CCDC88C: variants seen among roughly 807,000 people sequenced by gnomAD.
CCDC88C encodes the protein protein Daple.
In CCDC88C, 131 loss-of-function variants were observed where a neutral mutation model predicts 198.8. The observed-to-expected ratio is 0.66, with a 90% CI of 0.57 to 0.76. The LOEUF is 0.76. CCDC88C is among the 30% of genes least tolerant of loss of function. The pLI is 0.00. For synonymous variants in CCDC88C, 1,166 were observed against 1,114.7 expected, an observed-to-expected ratio of 1.05 and a Z score of -0.92; for missense variants, 2,553 against 2,631.6, an observed-to-expected ratio of 0.97 and a Z score of 0.65.
At chr14:91,303,292 TCTCCTGAGACCCC>T (rs992927511) in intron 20 of CCDC88C, among the ~76,000 whole-genome samples, 1 of 123,888 alleles carries the variant, frequency 8.1e-6, no homozygotes, top group Non-Finnish European at 1.7e-5. Context: ...CCTGAGACCC[TCTCCTGAGACCCC>T]ACCTCTGCTC....
At position 91,283,457 on chromosome 14, in the gene CCDC88C, T is replaced by A; in HGVS notation, c.4502A>T (p.Asp1501Val). 2 of 1,613,144 alleles carry A rather than the reference T, an allele frequency of 1.2e-6. No homozygotes were observed. Residue 1501 changes from aspartate (D) to valine (V), a missense_variant, in exon 26 of 30, where the codon GAT becomes GTT. Asp to Val is a radical substitution (Grantham distance 152, BLOSUM62 -3). This residue lies in a region of CCDC88C where 1,293 missense variants were observed against 1,219.6 expected (regional missense o/e 1.06). Transcript: ENST00000389857. ...CCTCATGGCCAGATCGGTGGAGGCATCTGTGCGGTCAAGGCTGCCTCTGTG... is the reference window on the plus strand; with the variant it reads ...CCTCATGGCCAGATCGGTGGAGGCAACTGTGCGGTCAAGGCTGCCTCTGTG... Reference protein sequence around the residue: ...SPHRGSLDRTDASTDLAMRSW... With the variant: ...SPHRGSLDRTVASTDLAMRSW...
intron 29 of CCDC88C, among the ~76,000 whole-genome samples, chr14:91,276,096 A>G (rs1230014338): frequency 3.3e-5 from 5 of 152,074 alleles, no homozygotes; most frequent in African/African-American, 1.2e-4. Context: ...CTGGGATTAC[A>G]GGCGTGAGCC....
At chr14:91,357,653 C>G (rs1478932039) in intron 4 of CCDC88C, among the ~76,000 whole-genome samples, 1 of 152,222 alleles carries the variant, frequency 6.6e-6, no homozygotes, top group African/African-American at 2.4e-5. Flanking sequence ...CCTCTACAGG[C>G]ATCACTCTCA....
At chr14:91,378,200 C>T (rs553819795) in intron 3 of CCDC88C, among the ~76,000 whole-genome samples, 3 of 152,280 alleles carry the variant, frequency 2.0e-5, no homozygotes, top group South Asian at 4.1e-4. Flanking sequence ...AGTGCAAAGC[C>T]GCAAGCTGGC....
At chr14:91,396,829 T>C (rs1264422058) in intron 3 of CCDC88C, among the ~76,000 whole-genome samples, 1 of 152,014 alleles carries the variant, frequency 6.6e-6, no homozygotes, top group Non-Finnish European at 1.5e-5. Context: ...ACTCTGTCTC[T>C]ACAAAAAATC....
chr14:91,292,284 G>T (rs1054272977), intron 23 of CCDC88C, among the ~76,000 whole-genome samples: 2 of 152,152 alleles, frequency 1.3e-5, no homozygotes, highest in African/African-American at 4.8e-5. Flanking sequence ...AGACTCACAC[G>T]AACTCCAGGG....
chr14:91,307,866 A>C (rs1193036535), intron 17 of CCDC88C, among the ~76,000 whole-genome samples: 1 of 152,240 alleles, frequency 6.6e-6, no homozygotes, highest in East Asian at 1.9e-4. Context: ...GAGCATGTGC[A>C]TATGTGGAGA....
In CCDC88C at chr14:91,324,794, C is replaced by T. The variant is rs552514669; in HGVS notation, c.1327G>A (p.Ala443Thr). 37 of 1,611,852 alleles carry T rather than the reference C, an allele frequency of 2.3e-5. No homozygotes were observed. The East Asian group carries it at 4.0e-4, about 17-fold the overall frequency. ...GWELEQLSKNADLSDASRKSF... is the reference protein window; with the variant it reads ...GWELEQLSKNTDLSDASRKSF... Reference sequence around the variant, plus strand: ...CGCTACCTACCGTCTGACAAGTCTGCGTTCTTGGACAGCTGCTCCAGCTCC... The same window carrying T: ...CGCTACCTACCGTCTGACAAGTCTGTGTTCTTGGACAGCTGCTCCAGCTCC... The change falls in exon 12 of 30, where the codon GCA (alanine) becomes ACA (threonine). Residue 443 changes from alanine (A) to threonine (T), a missense_variant. Coordinates refer to ENST00000389857, the MANE Select transcript of CCDC88C (RefSeq NM_001080414.4).
In CCDC88C at chr14:91,381,273, C is replaced by G. The variant is rs529493302; in HGVS notation, c.271-21562G>C. Among the ~76,000 whole-genome samples the G allele has an allele frequency of 5.5e-4, 84 of 152,256 alleles. No individual in the cohort carries two copies. In the South Asian group the frequency reaches 0.011, roughly 19 times the overall value. ...ACCCACCAGACCCCTCACACATGCCCGTGAGGGGGTCAAACTCCAAATCTC... is the reference window on the plus strand; with the variant it reads ...ACCCACCAGACCCCTCACACATGCCGGTGAGGGGGTCAAACTCCAAATCTC... On this transcript the variant is annotated intron_variant, in intron 3 of 29. Coordinates refer to ENST00000389857, the MANE Select transcript of CCDC88C (RefSeq NM_001080414.4). The surrounding 1 kb of genome is among the most constrained non-coding windows in gnomAD (Gnocchi z 4.2).
chr14:91,368,297 A>G (rs1400921144), intron 3 of CCDC88C, among the ~76,000 whole-genome samples: 2 of 152,220 alleles, frequency 1.3e-5, no homozygotes, highest in Non-Finnish European at 2.9e-5. Context: ...TAAGATTCAC[A>G]GCCTGTAGCT....
chr14:91,312,728 G>A lies in CCDC88C; in HGVS notation c.2736+352C>T, dbSNP rs528571106. On this transcript the variant is annotated intron_variant, in intron 15 of 29. Transcript: ENST00000389857. ...ATAAACAAACAAACAAATATCTTAC[G>A]GCCATTGGGAAATTGTGGCTTTGAA... 8.5e-5 allele frequency among the ~76,000 whole-genome samples: 13 copies of A among 152,166 alleles called. No homozygotes were observed. The South Asian group carries it at 2.3e-3, about 27-fold the overall frequency.
In CCDC88C at chr14:91,288,952, A is replaced by G. The variant is rs2139741369; in HGVS notation, c.4441+153T>C. On this transcript the variant is annotated intron_variant, in intron 25 of 29. Transcript: ENST00000389857. The surrounding 1 kb of genome is among the most constrained non-coding windows in gnomAD (Gnocchi z 4.2). ...TGGGACAAAACGGTCGCCACGCTGA[A>G]TTTCTACTTGGCTCGTAACACATCT... 3.3e-6 allele frequency: 2 copies of G among 613,616 alleles called. No homozygotes were observed. Among genetic ancestry groups the G allele is most frequent in the South Asian group, 4.0e-5 (2 of 50,338 alleles). The allele number at this position is 613,616 out of a possible 1,614,324, so 38.0% of individuals were successfully genotyped here. A position where few individuals can be genotyped will look rare whatever the true frequency, so the allele number is the denominator to read the frequency against.
Position 91,339,534 on chromosome 14 carries a change from G to C in CCDC88C, c.625-72C>G. The C allele has an allele frequency of 7.1e-7, 1 of 1,415,474 alleles. No individual in the cohort carries two copies. The highest frequency in any genetic ancestry group is 9.6e-7 in the Non-Finnish European group (1 of 1,046,436). 87.7% of individuals were successfully genotyped at this position (1,415,474 alleles called of 1,614,324 possible). A position where few individuals can be genotyped will look rare whatever the true frequency, so the allele number is the denominator to read the frequency against. On this transcript the variant is annotated intron_variant, in intron 7 of 29. Coordinates refer to ENST00000389857, the MANE Select transcript of CCDC88C (RefSeq NM_001080414.4). The surrounding 1 kb of genome is among the most constrained non-coding windows in gnomAD (Gnocchi z 5.8). ...CCAGCACAACGCCTGAGCTTGAACAGGGTGAAGAAACCGCCAAAAGACAGA... is the reference window on the plus strand; with the variant it reads ...CCAGCACAACGCCTGAGCTTGAACACGGTGAAGAAACCGCCAAAAGACAGA...
intron 3 of CCDC88C, among the ~76,000 whole-genome samples, chr14:91,407,650 C>T (rs1252877200): frequency 6.6e-6 from 1 of 152,166 alleles, no homozygotes; most frequent in African/African-American, 2.4e-5. Context: ...CGTTTCACTG[C>T]TAAGAAAAGG....
intron 6 of CCDC88C, among the ~76,000 whole-genome samples, chr14:91,340,320 T>C (rs527250345): frequency 2.4e-4 from 37 of 152,288 alleles, no homozygotes; most frequent in African/African-American, 6.3e-4. Context: ...GATATCTTCA[T>C]TGGAGCTACA....
intron 29 of CCDC88C, among the ~76,000 whole-genome samples, chr14:91,277,666 C>A (rs573680936): frequency 6.6e-6 from 1 of 152,336 alleles, no homozygotes; most frequent in South Asian, 2.1e-4. Context: ...AGGTGCTGGC[C>A]ACGCACCCTT....
At chr14:91,402,226 T>C (rs1281672814) in intron 3 of CCDC88C, among the ~76,000 whole-genome samples, 2 of 152,148 alleles carry the variant, frequency 1.3e-5, no homozygotes, top group Non-Finnish European at 2.9e-5. Context: ...CAGTGAGCTA[T>C]GATCATACCA....
intron 6 of CCDC88C, among the ~76,000 whole-genome samples, chr14:91,341,287 G>C (rs1893299405): frequency 6.6e-6 from 1 of 152,194 alleles, no homozygotes; most frequent in East Asian, 1.9e-4. Context: ...TGTAAAGGGT[G>C]GTGTGGCTGG....
chr14:91,329,804 G>A (rs116303345), intron 10 of CCDC88C, among the ~76,000 whole-genome samples: 2 of 152,230 alleles, frequency 1.3e-5, no homozygotes, highest in Non-Finnish European at 2.9e-5. Flanking sequence ...TTCCCAGCAG[G>A]TGGGGAAAGC....
Sources: allele counts gnomAD v4.1 joint callset (sites outside exome capture counted in the v4.1 genomes callset), GRCh38; gene constraint gnomAD v4.1.1; regional missense constraint gnomAD v4.1.1; non-coding constraint Gnocchi (gnomAD v3.1); transcripts MANE v1.5; gene names NCBI Gene and HGNC (gene_info 2026-07-23, HGNC 2026-07-21).